DOCK2: variants seen among roughly 807,000 people sequenced by gnomAD.
The protein encoded by DOCK2 is dedicator of cytokinesis 2, also known as dedicator of cytokinesis protein 2.
DOCK2 carries 87 observed loss-of-function variants against 248.9 expected under a neutral mutation model. That is an observed-to-expected ratio of 0.35 (90% CI 0.29 to 0.42). The LOEUF is 0.42. Among genes scored for constraint, DOCK2 ranks in the 10% least tolerant of loss-of-function variants. The pLI, the probability that DOCK2 is intolerant of heterozygous loss-of-function variation, is 1.00. For synonymous variants in DOCK2, 805 were observed against 821.6 expected, an observed-to-expected ratio of 0.98 and a Z score of 0.35; for missense variants, 1,747 against 2,300.2, an observed-to-expected ratio of 0.76 and a Z score of 4.92.
chr5:169,826,267 G>T (rs1382767576), intron 26 of DOCK2, among the ~76,000 whole-genome samples: 1 of 152,178 alleles, frequency 6.6e-6, no homozygotes, highest in Non-Finnish European at 1.5e-5. Context: ...TTTGCCTGGG[G>T]TAAGGTGGAA....
intron 6 of DOCK2, among the ~76,000 whole-genome samples, chr5:169,681,054 A>G (rs1424324175): frequency 2.1e-5 from 3 of 143,476 alleles, no homozygotes; most frequent in African/African-American, 7.7e-5. Flanking sequence ...AAGGTCTGCT[A>G]TGTGGTATTC....
In DOCK2 at chr5:169,712,170, A is replaced by G. The variant is rs1581078478; in HGVS notation, c.1606A>G (p.Lys536Glu). The G allele has an allele frequency of 5.0e-6, 8 of 1,614,130 alleles. No homozygotes were observed. Among genetic ancestry groups the G allele is most frequent in the Non-Finnish European group, 6.8e-6 (8 of 1,179,974 alleles). Residue 536 changes from lysine to glutamate, a missense_variant, in exon 17 of 52, where the codon AAA (lysine) becomes GAA (glutamate). Transcript: ENST00000520908. ...NFAMSYVKLM[K>E]EDGTTLHDGF... Reference sequence around the variant, plus strand: ...TGCCATGTCCTATGTGAAGCTGATGAAAGAAGATGGGACTACTCTACACGA... The same window carrying G: ...TGCCATGTCCTATGTGAAGCTGATGGAAGAAGATGGGACTACTCTACACGA...
intron 1 of DOCK2, among the ~76,000 whole-genome samples, chr5:169,650,795 G>T (rs1757760840): frequency 1.3e-5 from 2 of 152,188 alleles, no homozygotes; most frequent in Non-Finnish European, 2.9e-5. Flanking sequence ...TTTCTGTTTT[G>T]GTTCCTATGT....
intron 5 of DOCK2, 58 bp downstream of exon 5, chr5:169,671,232 T>A: frequency 6.5e-7 from 1 of 1,544,152 alleles, no homozygotes; most frequent in Non-Finnish European, 8.9e-7. Context: ...TCAGTTTGGT[T>A]CCAGTTTTCA....
chr5:170,061,060 T>C (rs80119196), intron 44 of DOCK2, among the ~76,000 whole-genome samples: 5,866 of 152,112 alleles, frequency 0.039, 400 homozygotes, highest in African/African-American at 0.13. Context: ...AAATATGAAA[T>C]GCCACCTAAT....
intron 44 of DOCK2, among the ~76,000 whole-genome samples, chr5:170,064,420 T>C (rs866829255): frequency 1.2e-4 from 18 of 150,474 alleles, no homozygotes; most frequent in African/African-American, 4.4e-4. Flanking sequence ...AAGCATAAAG[T>C]GTACCAAACA....
chr5:169,677,829 C>T (rs1759420126), intron 6 of DOCK2, among the ~76,000 whole-genome samples: 1 of 152,220 alleles, frequency 6.6e-6, no homozygotes, highest in African/African-American at 2.4e-5. Flanking sequence ...CAGGCTCACC[C>T]CTCTGGAAAC....
chr5:170,008,859 T>C (rs1755168875), intron 32 of DOCK2, 113 bp downstream of exon 32: 1 of 1,286,810 alleles, frequency 7.8e-7, no homozygotes, highest in Admixed American at 1.7e-5. Flanking sequence ...GAAATAACAG[T>C]TCATTACTGT....
At chr5:169,805,490 G>A (rs1453559881) in intron 26 of DOCK2, among the ~76,000 whole-genome samples, 2 of 152,160 alleles carry the variant, frequency 1.3e-5, no homozygotes. Context: ...CCCTTTAAAT[G>A]GGGAAAAAAA....
At chr5:169,883,073 G>C (rs1251079267) in intron 27 of DOCK2, 2 of 1,551,660 alleles carry the variant, frequency 1.3e-6, no homozygotes, top group African/African-American at 2.7e-5. Context: ...AGCAATTCAG[G>C]TTTAAGTTCC....
chr5:169,811,084 T>A (rs546155514), intron 26 of DOCK2, among the ~76,000 whole-genome samples: 1 of 152,096 alleles, frequency 6.6e-6, no homozygotes, highest in East Asian at 1.9e-4. Context: ...GCATCTTAGC[T>A]GTGTTAGAAT....
intron 26 of DOCK2, among the ~76,000 whole-genome samples, chr5:169,806,328 T>TAATC (rs70979147): frequency 6.6e-6 from 1 of 151,210 alleles, no homozygotes; most frequent in Non-Finnish European, 1.5e-5. Flanking sequence ...ATTAATTAAT[T>TAATC]TGTAGAGATG....
intron 27 of DOCK2, among the ~76,000 whole-genome samples, chr5:169,903,351 C>T (rs1308389607): frequency 4.0e-5 from 6 of 149,068 alleles, no homozygotes; most frequent in Non-Finnish European, 7.4e-5. Flanking sequence ...AAGTTAAGAG[C>T]AGGGTGGTAA....
At chr5:169,767,808 G>C (rs1398675768) in intron 25 of DOCK2, among the ~76,000 whole-genome samples, 1 of 152,184 alleles carries the variant, frequency 6.6e-6, no homozygotes, top group African/African-American at 2.4e-5. Context: ...ATTACATACA[G>C]CATAAATATA....
chr5:169,894,717 C>G (rs1490963657), intron 27 of DOCK2, among the ~76,000 whole-genome samples: 3 of 152,210 alleles, frequency 2.0e-5, no homozygotes, highest in Non-Finnish European at 4.4e-5. Context: ...GTGCAACACA[C>G]AGTAGGTGCT....
intron 21 of DOCK2, among the ~76,000 whole-genome samples, chr5:169,717,749 G>A (rs144731569): frequency 6.6e-6 from 1 of 152,294 alleles, no homozygotes; most frequent in Middle Eastern, 3.4e-3. Flanking sequence ...CATTTCTTGA[G>A]TGGACACCAG....
Position 169,670,940 on chromosome 5 carries a change from G to T in DOCK2, c.225-138G>T, listed in dbSNP as rs187122467. On this transcript the variant is annotated intron_variant, in intron 4 of 51. Coordinates refer to ENST00000520908, the MANE Select transcript of DOCK2 (RefSeq NM_004946.3). ...CCCTTGTATTTGCATAATGTAGTTG[G>T]TGTGGCTATTGGAGGTGTTTTAGTC... The T allele has an allele frequency of 1.6e-4, 104 of 663,880 alleles. 1 individual carries two copies. In the East Asian group the frequency reaches 1.9e-3, roughly 12 times the overall value. 41.1% of individuals were successfully genotyped at this position (663,880 alleles called of 1,614,324 possible).
intron 27 of DOCK2, among the ~76,000 whole-genome samples, chr5:169,949,290 C>T (rs1406880799): frequency 6.6e-6 from 1 of 152,070 alleles, no homozygotes; most frequent in African/African-American, 2.4e-5. Context: ...CTTTACTTCC[C>T]AGGAGGGAGA....
chr5:169,855,156 AC>A (rs756495020), intron 27 of DOCK2, among the ~76,000 whole-genome samples: 14 of 152,298 alleles, frequency 9.2e-5, no homozygotes, highest in Middle Eastern at 3.4e-3. Flanking sequence ...ATCATAAACT[AC>A]CTTGTGGTAA....
Sources: allele counts gnomAD v4.1 joint callset (sites outside exome capture counted in the v4.1 genomes callset), GRCh38; gene constraint gnomAD v4.1.1; transcripts MANE v1.5; gene names NCBI Gene and HGNC (gene_info 2026-07-23, HGNC 2026-07-21).